The following RGS3 variants were observed in gnomAD, a reference collection of about 807,000 sequenced individuals.
RGS3 encodes the protein regulator of G-protein signalling 3.
Under a neutral mutation model 132.6 loss-of-function variants are expected in RGS3, and 80 were observed. That is an observed-to-expected ratio of 0.60 (90% confidence interval 0.50 to 0.73). The LOEUF is 0.73. RGS3 is among the 30% of genes least tolerant of loss of function. RGS3 has a pLI of 0.00. For missense variants in RGS3, 1,382 were observed against 1,530.8 expected, an observed-to-expected ratio of 0.90 and a Z score of 1.62; for synonymous variants, 598 against 620.6, an observed-to-expected ratio of 0.96 and a Z score of 0.54.
chr9:113,573,442 G>A (rs910077756), intron 19 of RGS3, among the ~76,000 whole-genome samples: 1 of 152,188 alleles, frequency 6.6e-6, no homozygotes, highest in Non-Finnish European at 1.5e-5. Context: ...CCCCGTAGCA[G>A]CCGTGAGGAA....
chr9:113,534,673 A>G (rs1052800657), intron 18 of RGS3, among the ~76,000 whole-genome samples: 1 of 148,268 alleles, frequency 6.7e-6, no homozygotes, highest in African/African-American at 2.5e-5. Flanking sequence ...GTGCAGTGGC[A>G]CAATCATTGC....
At chr9:113,555,518 A>G (rs921102110) in intron 19 of RGS3, among the ~76,000 whole-genome samples, 2 of 151,044 alleles carry the variant, frequency 1.3e-5, no homozygotes, top group African/African-American at 4.9e-5. Flanking sequence ...CCCAGGCTGG[A>G]GTGTAGTGGT....
chr9:113,585,774 T>G (rs890123930), intron 20 of RGS3, among the ~76,000 whole-genome samples: 1 of 152,214 alleles, frequency 6.6e-6, no homozygotes, highest in South Asian at 2.1e-4. Context: ...CTCACCAAGT[T>G]GGGACATGTC....
intron 3 of RGS3, among the ~76,000 whole-genome samples, chr9:113,474,270 G>A (rs541155225): frequency 6.6e-6 from 1 of 152,204 alleles, no homozygotes; most frequent in Non-Finnish European, 1.5e-5. Context: ...TGCCAGTGCT[G>A]TGTGTCCTAT....
At chr9:113,498,138 C>T (rs1830746935) in intron 10 of RGS3, 58 bp downstream of exon 8, 1 of 1,547,452 alleles carries the variant, frequency 6.5e-7, no homozygotes, top group Non-Finnish European at 8.9e-7. Flanking sequence ...CTTGACAGCC[C>T]CTGGGCCCGG....
chr9:113,446,111 A>G (rs571232254), intron 1 of RGS3, among the ~76,000 whole-genome samples: 1 of 152,322 alleles, frequency 6.6e-6, no homozygotes, highest in South Asian at 2.1e-4. Flanking sequence ...AAGGACAGTA[A>G]TACCTCTGGC....
intron 14 of RGS3, among the ~76,000 whole-genome samples, 170 bp from the exon 13 acceptor site, chr9:113,514,288 G>A (rs1315396852): frequency 6.6e-6 from 1 of 152,182 alleles, no homozygotes; most frequent in Non-Finnish European, 1.5e-5. Context: ...TGAAGCCCGA[G>A]CCCATGTGAA....
chr9:113,456,152 G>A (rs996027860), upstream of RGS3, among the ~76,000 whole-genome samples: 1 of 152,130 alleles, frequency 6.6e-6, no homozygotes, highest in East Asian at 1.9e-4. Flanking sequence ...TCCTCTGCCT[G>A]TTTTTTCAGT....
chr9:113,583,302 G>A, intron 19 of RGS3, 148 bp from the exon 18 acceptor site: 1 of 1,388,258 alleles, frequency 7.2e-7, no homozygotes, highest in Non-Finnish European at 9.5e-7. Context: ...AGTCAAAGGG[G>A]CTTTGGGGGT....
At chr9:113,450,035 A>G (rs371141957) in intron 1 of RGS3, among the ~76,000 whole-genome samples, 19 of 148,274 alleles carry the variant, frequency 1.3e-4, no homozygotes, top group East Asian at 1.2e-3. Context: ...ATGAGCCACC[A>G]TGCCTGGCCA....
intron 20 of RGS3, among the ~76,000 whole-genome samples, chr9:113,587,380 G>A (rs1295222257): frequency 1.3e-5 from 2 of 152,226 alleles, no homozygotes; most frequent in Non-Finnish European, 2.9e-5. Context: ...GAGGGGAGGG[G>A]TGAAGTGTTC....
At chr9:113,445,998 A>T (rs1235416220) in intron 1 of RGS3, among the ~76,000 whole-genome samples, 1 of 151,924 alleles carries the variant, frequency 6.6e-6, no homozygotes, top group Non-Finnish European at 1.5e-5. Flanking sequence ...ATTATAGAAA[A>T]CCCCTTGGGT....
At chr9:113,523,097 C>A in intron 17 of RGS3, 56 bp downstream of exon 15, 2 of 1,120,016 alleles carry the variant, frequency 1.8e-6, no homozygotes, top group Non-Finnish European at 2.7e-6. Context: ...AGTCCCACTG[C>A]TCTGGGCAGC....
chr9:113,588,743 G>A (rs1258446322), intron 20 of RGS3, among the ~76,000 whole-genome samples: 4 of 152,236 alleles, frequency 2.6e-5, no homozygotes, highest in African/African-American at 7.2e-5. Flanking sequence ...ACTGCTGTGT[G>A]TTGGGCGCTG....
At chr9:113,523,547 A>G (rs527369943) in intron 17 of RGS3, among the ~76,000 whole-genome samples, 9 of 152,104 alleles carry the variant, frequency 5.9e-5, no homozygotes, top group East Asian at 1.9e-4. Context: ...AGAGACCGCA[A>G]CTCGGCTCTA....
At chr9:113,528,646 G>C (rs1832326759) in intron 17 of RGS3, among the ~76,000 whole-genome samples, 1 of 152,182 alleles carries the variant, frequency 6.6e-6, no homozygotes, top group Non-Finnish European at 1.5e-5. Flanking sequence ...GTGAATGGTT[G>C]CAACTGGGAT....
chr9:113,596,723 G>C (rs747253196), intron 24 of RGS3, 45 bp from the exon 23 acceptor site: 9 of 1,555,122 alleles, frequency 5.8e-6, no homozygotes, highest in Non-Finnish European at 7.8e-6. Context: ...CCTAGGGTCA[G>C]TCCCCAGCAG....
intron 14 of RGS3, among the ~76,000 whole-genome samples, chr9:113,509,874 A>G (rs1022399298): frequency 2.0e-5 from 3 of 152,222 alleles, no homozygotes; most frequent in African/African-American, 7.2e-5. Context: ...GAGCCTGGTC[A>G]GTTGGAAATA....
chr9:113,588,554 G>T (rs982135464), intron 20 of RGS3, among the ~76,000 whole-genome samples: 1 of 152,212 alleles, frequency 6.6e-6, no homozygotes, highest in East Asian at 1.9e-4. Context: ...TTATCAAACT[G>T]CCCTGGGCAT....
Sources: gnomAD v4.1 joint callset for allele counts (sites outside exome capture counted in the v4.1 genomes callset) on GRCh38, gnomAD v4.1.1 for gene constraint, MANE v1.5 for transcripts, NCBI Gene and HGNC (gene_info 2026-07-23, HGNC 2026-07-21) for gene names.